PATJ: variants seen among roughly 807,000 people sequenced by gnomAD.
PATJ encodes the protein inaD-like protein.
PATJ carries 190 observed loss-of-function variants against 224.9 expected under a neutral mutation model. The ratio of observed to expected loss-of-function variants is 0.84; its 90% CI spans 0.75 to 0.95. The LOEUF (loss-of-function observed/expected upper bound fraction) is 0.95, where lower values mean the gene tolerates loss of function less well. Ranked by LOEUF, PATJ falls within the 40% of genes least tolerant of loss-of-function variation. The pLI is 0.00. For missense variants in PATJ, 2,121 were observed against 2,270.3 expected (o/e 0.93, Z 1.34); for synonymous variants, 769 against 820.3 (o/e 0.94, Z 1.07).
At chr1:61,931,252 A>C (rs1675987876) in intron 27 of PATJ, among the ~76,000 whole-genome samples, 2 of 152,246 alleles carry the variant, frequency 1.3e-5, no homozygotes, top group South Asian at 4.1e-4. Context: ...AGAATATGGC[A>C]GGGAACATGG....
In PATJ at chr1:61,805,427, CTCTT is replaced by C; in HGVS notation, c.1550-19_1550-16del. ...TAGTTTCAACATTCTCTCGCTCTCT[CTCTT>C]TTTTTTTAATATCCAGAAAAAGTCC... On this transcript the variant is annotated splice_polypyrimidine_tract_variant and intron_variant, in intron 12 of 43. Coordinates refer to ENST00000642238, the MANE Select transcript of PATJ (RefSeq NM_001350145.3). 1 of 1,512,450 alleles carries C rather than the reference CTCTT, an allele frequency of 6.6e-7. No homozygotes were observed. The highest frequency in any genetic ancestry group is 9.2e-7 in the Non-Finnish European group (1 of 1,090,690). The allele number at this position is 1,512,450 out of a possible 1,614,324, so 93.7% of individuals were successfully genotyped here.
intron 21 of PATJ, among the ~76,000 whole-genome samples, chr1:61,881,213 C>G (rs1668043345): frequency 1.3e-5 from 2 of 152,094 alleles, no homozygotes; most frequent in South Asian, 4.1e-4. Context: ...ATCATGTTTG[C>G]AAGAGTTTAG....
At chr1:61,838,356 GTTTC>G (rs1485790041) in intron 17 of PATJ, among the ~76,000 whole-genome samples, 1 of 150,960 alleles carries the variant, frequency 6.6e-6, no homozygotes, top group Non-Finnish European at 1.5e-5. Context: ...TGAGTACTCT[GTTTC>G]TTTTTTTTTT....
chr1:62,131,876 T>A lies in PATJ; in HGVS notation c.5271+2931T>A, dbSNP rs865817938. 3.3e-3 allele frequency among the ~76,000 whole-genome samples: 499 copies of A among 152,176 alleles called. 4 individuals are homozygous for A. Among genetic ancestry groups the A allele is most frequent in the East Asian group, 9.3e-3 (48 of 5,180 alleles). The stretch of plus-strand genomic sequence containing the variant: ...TATTAGGATGAATGAATTATTATTT[T>A]TTTTTTTTTGAGATGGAGTCTCGCT... On this transcript the variant is annotated intron_variant, in intron 41 of 43. Transcript: ENST00000642238.
intron 17 of PATJ, among the ~76,000 whole-genome samples, chr1:61,836,733 A>T (rs1243811793): frequency 6.6e-6 from 1 of 152,166 alleles, no homozygotes; most frequent in Non-Finnish European, 1.5e-5. Context: ...GTTCAAGAAT[A>T]TTTTTTGCAA....
Position 62,114,209 on chromosome 1 carries a change from G to A in PATJ, c.4618G>A (p.Ala1540Thr), listed in dbSNP as rs550054288. ...EIFPVDLQKK[A>T]GRGLGLSIVG... is the part of the protein sequence containing the mutation. ...TTTCCCTGTGGATCTGCAGAAGAAAGCTGGCCGGGGCCTGGGCCTGAGCAT... is the reference window on the plus strand; with the variant it reads ...TTTCCCTGTGGATCTGCAGAAGAAAACTGGCCGGGGCCTGGGCCTGAGCAT... The change falls in exon 35 of 44, where the codon GCT becomes ACT. Residue 1540 changes from alanine to threonine, a missense_variant. By Grantham distance (58) the Ala-to-Thr change is moderately conservative. Coordinates refer to ENST00000642238, the MANE Select transcript of PATJ (RefSeq NM_001350145.3). 3.1e-6 allele frequency: 5 copies of A among 1,614,158 alleles called. No individual in the cohort carries two copies. The East Asian group carries it at 6.7e-5, about 22-fold the overall frequency.
At chr1:62,025,339 T>C (rs1348540402) in intron 29 of PATJ, among the ~76,000 whole-genome samples, 1 of 152,146 alleles carries the variant, frequency 6.6e-6, no homozygotes, top group Non-Finnish European at 1.5e-5. Context: ...TGAAATGAGA[T>C]TACCATGATT....
At chr1:61,870,029 C>CTCT (rs748191642) in intron 20 of PATJ, among the ~76,000 whole-genome samples, 33 of 152,354 alleles carry the variant, frequency 2.2e-4, no homozygotes, top group Non-Finnish European at 4.3e-4. Flanking sequence ...TCAGTGAGCC[C>CTCT]TCTGCCTTTT....
intron 28 of PATJ, among the ~76,000 whole-genome samples, chr1:62,004,183 G>A (rs369032547): frequency 1.4e-4 from 22 of 152,144 alleles, no homozygotes; most frequent in African/African-American, 4.1e-4. Flanking sequence ...ACAGAGTACC[G>A]GATCCTTGAG....
At chr1:61,842,002 A>G (rs985803030) in intron 17 of PATJ, among the ~76,000 whole-genome samples, 1 of 152,184 alleles carries the variant, frequency 6.6e-6, no homozygotes, top group Non-Finnish European at 1.5e-5. Flanking sequence ...CATGGAGTGG[A>G]TTGATTGTGG....
rs550740736 is a variant in PATJ at position 61,793,677 on chromosome 1, C to T, written c.1169-1790C>T. On this transcript the variant is annotated intron_variant, in intron 9 of 43. Coordinates refer to ENST00000642238, the MANE Select transcript of PATJ (RefSeq NM_001350145.3). ...GCTGCAGTGAGCCGTGATTGTGCCA[C>T]TGCACACCAACCTGCAACCTGGGCA... Among the ~76,000 whole-genome samples the T allele has an allele frequency of 1.3e-3, 189 of 149,638 alleles. 2 individuals are homozygous for T. The Middle Eastern group carries it at 0.017, about 14-fold the overall frequency.
In PATJ at chr1:61,980,437, TTGTGTG is replaced by T. The variant is rs148389720; in HGVS notation, c.3671-9694_3671-9689del. Among the ~76,000 whole-genome samples the T allele has an allele frequency of 6.6e-3, 853 of 129,730 alleles. 8 individuals carry two copies. Among genetic ancestry groups the T allele is most frequent in the African/African-American group, 0.013 (435 of 33,080 alleles). 85.1% of individuals were successfully genotyped at this position (129,730 alleles called of 152,430 possible). ...TGCCAAAAGCTAGTACTTATATAATTTGTGTGTGTGTGTGTGTGTGTGTGTGTGTGT... is the reference window on the plus strand; with the variant it reads ...TGCCAAAAGCTAGTACTTATATAATTTGTGTGTGTGTGTGTGTGTGTGTGT... On this transcript the variant is annotated intron_variant, in intron 27 of 43. Coordinates refer to ENST00000642238, the MANE Select transcript of PATJ (RefSeq NM_001350145.3).
In PATJ at chr1:61,763,051, A is replaced by G; in HGVS notation, c.61A>G (p.Met21Val). 1 of 1,611,426 alleles carries G rather than the reference A, an allele frequency of 6.2e-7. No individual in the cohort carries two copies. Among genetic ancestry groups the G allele is most frequent in the South Asian group, 1.1e-5 (1 of 90,708 alleles). ...QVLQVLDRLK[M>V]KLQEKGDTSQ... The stretch of plus-strand genomic sequence containing the variant: ...GCTGCAGGTACTTGATCGCCTGAAA[A>G]TGAAATTGCAGGAGAAGGGTGACAC... The change falls in exon 3 of 44, where the codon ATG (methionine) becomes GTG (valine). Residue 21 changes from methionine to valine, a missense_variant. Physicochemically the swap from Met to Val is conservative, Grantham distance 21 (BLOSUM62 1). Coordinates refer to ENST00000642238, the MANE Select transcript of PATJ (RefSeq NM_001350145.3).
chr1:62,011,538 T>C (rs994772057), intron 28 of PATJ, among the ~76,000 whole-genome samples: 2 of 152,070 alleles, frequency 1.3e-5, no homozygotes, highest in African/African-American at 2.4e-5. Flanking sequence ...CCCAAAACAA[T>C]TATAATAACA....
chr1:61,867,524 A>G (rs1570984987), intron 20 of PATJ, among the ~76,000 whole-genome samples: 1 of 130,510 alleles, frequency 7.7e-6, no homozygotes, highest in East Asian at 2.3e-4. Flanking sequence ...ATGTATATTT[A>G]TAATATTTAC....
intron 29 of PATJ, among the ~76,000 whole-genome samples, chr1:62,020,183 T>C (rs1437818411): frequency 1.3e-5 from 2 of 152,048 alleles, no homozygotes; most frequent in Non-Finnish European, 2.9e-5. Flanking sequence ...AAAAAAATTC[T>C]GTGGCTAGTA....
intron 17 of PATJ, among the ~76,000 whole-genome samples, chr1:61,844,585 C>T (rs746234352): frequency 1.6e-4 from 24 of 152,008 alleles, no homozygotes; most frequent in Non-Finnish European, 3.2e-4. Flanking sequence ...TATTGTTATA[C>T]TTGTTCTTTT....
In PATJ at chr1:62,084,587, A is replaced by G; in HGVS notation, c.4316A>G (p.Glu1439Gly). 1 of 1,613,504 alleles carries G rather than the reference A, an allele frequency of 6.2e-7. No homozygotes were observed. The highest frequency in any genetic ancestry group is 2.2e-5 in the East Asian group (1 of 44,866). Residue 1439 changes from glutamate to glycine, a missense_variant, in exon 33 of 44, where the codon GAA (glutamate) becomes GGA (glycine). Coordinates refer to ENST00000642238, the MANE Select transcript of PATJ (RefSeq NM_001350145.3). ...PIVPGQEMII[E>G]ISKGRSGLGL... ...GTCCCTGGACAGGAAATGATTATAG[A>G]AATATCCAAGGGACGTTCAGGGCTT...
intron 43 of PATJ, among the ~76,000 whole-genome samples, chr1:62,155,073 T>G (rs544601193): frequency 6.6e-6 from 1 of 152,300 alleles, no homozygotes; most frequent in Admixed American, 6.5e-5. Context: ...CCTAAGTTCT[T>G]GGGATAATTA....
Sources: gnomAD v4.1 joint callset for allele counts (sites outside exome capture counted in the v4.1 genomes callset) on GRCh38, gnomAD v4.1.1 for gene constraint, MANE v1.5 for transcripts, NCBI Gene and HGNC (gene_info 2026-07-23, HGNC 2026-07-21) for gene names.